Variants in EPB41L5 observed in about 807,000 individuals in gnomAD.
The protein encoded by EPB41L5 is erythrocyte membrane protein band 4.1 like 5.
A neutral mutation model predicts 106.6 loss-of-function variants in EPB41L5; 55 were observed. The observed-to-expected ratio is 0.52, with a 90% CI of 0.42 to 0.65. The LOEUF is 0.65. EPB41L5 is among the 30% of genes least tolerant of loss of function. EPB41L5 has a pLI of 0.00. For missense variants in EPB41L5, 871 were observed against 882.1 expected, an observed-to-expected ratio of 0.99 and a Z score of 0.16; for synonymous variants, 297 against 306.7, an observed-to-expected ratio of 0.97 and a Z score of 0.33.
chr2:120,108,028 CT>C (rs1684548942), intron 16 of EPB41L5: 1 of 152,018 alleles, frequency 6.6e-6, no homozygotes, highest in South Asian at 2.1e-4. Context: ...ATAACTTTGG[CT>C]TTTTTATTGT....
chr2:120,063,011 C>T (rs1013505597), intron 3 of EPB41L5, among the ~76,000 whole-genome samples: 1 of 151,808 alleles, frequency 6.6e-6, no homozygotes, highest in Admixed American at 6.6e-5. Flanking sequence ...AATGTGAGTT[C>T]GACTATATTG....
Position 120,100,231 on chromosome 2 carries a change from T to G in EPB41L5, c.1179-13T>G, listed in dbSNP as rs1381488055. On this transcript the variant is annotated splice_polypyrimidine_tract_variant and intron_variant, in intron 14 of 24. Coordinates refer to ENST00000263713, the MANE Select transcript of EPB41L5 (RefSeq NM_020909.4). ...ATATAGGGTTTTTAATTGATTTTTT[T>G]TTCCCATTACAGTGTTCACAATAAT... 1 of 1,610,116 alleles carries G rather than the reference T, an allele frequency of 6.2e-7. No individual in the cohort carries two copies. Among genetic ancestry groups the G allele is most frequent in the Non-Finnish European group, 8.5e-7 (1 of 1,177,540 alleles).
chr2:120,151,571 A>G (rs767999433), intron 20 of EPB41L5, among the ~76,000 whole-genome samples: 4 of 151,792 alleles, frequency 2.6e-5, no homozygotes, highest in Non-Finnish European at 4.4e-5. Flanking sequence ...CGGCCTCCCA[A>G]AGTGCTGGGA....
rs951526866 is a variant in EPB41L5 at position 120,176,043 on chromosome 2, C to A, written c.*1136C>A. Reference sequence around the variant, plus strand: ...AAAGAGATCTCTAAAACTTCCCCATCCCTTTGGGCCTGTACAAAGAAATTC... The same window carrying A: ...AAAGAGATCTCTAAAACTTCCCCATACCTTTGGGCCTGTACAAAGAAATTC... On this transcript the variant is annotated 3_prime_UTR_variant, in exon 25 of 25. Transcript: ENST00000263713. 4 of 152,582 alleles carry A rather than the reference C, an allele frequency of 2.6e-5. No homozygotes were observed. Among genetic ancestry groups the A allele is most frequent in the Non-Finnish European group, 5.9e-5 (4 of 68,032 alleles). 9.5% of individuals were successfully genotyped at this position (152,582 alleles called of 1,614,324 possible).
At chr2:120,084,676 C>T (rs145408418) in intron 10 of EPB41L5, among the ~76,000 whole-genome samples, 16 of 152,160 alleles carry the variant, frequency 1.1e-4, no homozygotes, top group African/African-American at 3.1e-4. Flanking sequence ...TGGCCTGCCT[C>T]GCTAAGTTGG....
Position 120,064,815 on chromosome 2 carries a change from T to C in EPB41L5, c.286-8363T>C, listed in dbSNP as rs78871741. On this transcript the variant is annotated intron_variant, in intron 3 of 24. Transcript: ENST00000263713. ...AGACCCTGATTCAAGGAAAACACTA[T>C]CAGTGCCTGTCTCTGAGGCCTGAAT... Among the ~76,000 whole-genome samples, 561 of 152,296 alleles carry C rather than the reference T, an allele frequency of 3.7e-3. 3 individuals carry two copies. Among genetic ancestry groups the C allele is most frequent in the African/African-American group, 0.013 (542 of 41,556 alleles).
Position 120,067,097 on chromosome 2 carries a change from A to G in EPB41L5, c.286-6081A>G, listed in dbSNP as rs1437155870. ...AGATTGCTAGATTGAAATAGGCTTA[A>G]AAGTAGATGTCCAACTGAATTTATT... On this transcript the variant is annotated intron_variant, in intron 3 of 24. Coordinates refer to ENST00000263713, the MANE Select transcript of EPB41L5 (RefSeq NM_020909.4). Among the ~76,000 whole-genome samples the G allele has an allele frequency of 2.0e-5, 3 of 152,228 alleles. No homozygotes were observed. The East Asian group carries it at 5.8e-4, about 29-fold the overall frequency.
chr2:120,044,868 T>G (rs1679657509), intron 3 of EPB41L5, among the ~76,000 whole-genome samples: 1 of 152,210 alleles, frequency 6.6e-6, no homozygotes, highest in African/African-American at 2.4e-5. Flanking sequence ...TATTTTTGCT[T>G]CACTAAAACA....
At chr2:120,118,772 T>C (rs749507676) in intron 16 of EPB41L5, among the ~76,000 whole-genome samples, 28 of 152,226 alleles carry the variant, frequency 1.8e-4, no homozygotes, top group Non-Finnish European at 2.8e-4. Context: ...TGATTCCATG[T>C]CTTAGGTGCA....
intron 20 of EPB41L5, among the ~76,000 whole-genome samples, chr2:120,155,960 A>G (rs1455648907): frequency 6.6e-6 from 1 of 152,150 alleles, no homozygotes; most frequent in Non-Finnish European, 1.5e-5. Flanking sequence ...TGGCAGGAAG[A>G]GGCCCCACGA....
At chr2:120,048,387 G>GGGA (rs1558823784) in intron 3 of EPB41L5, among the ~76,000 whole-genome samples, 1 of 152,090 alleles carries the variant, frequency 6.6e-6, no homozygotes, top group Non-Finnish European at 1.5e-5. Flanking sequence ...GTTTAGTCTT[G>GGGA]GGAGGGTGTA....
At chr2:120,036,828 AAG>A (rs1300488179) in intron 2 of EPB41L5, among the ~76,000 whole-genome samples, 2 of 152,154 alleles carry the variant, frequency 1.3e-5, no homozygotes, top group African/African-American at 4.8e-5. Flanking sequence ...TTCTTTCCAT[AAG>A]AGGAAAGAAA....
At chr2:120,151,610 C>CTTTT (rs529496809) in intron 20 of EPB41L5, among the ~76,000 whole-genome samples, 1 of 116,812 alleles carries the variant, frequency 8.6e-6, no homozygotes, top group African/African-American at 4.3e-5. Context: ...GCGTCTGGCC[C>CTTTT]TTTTTTTTTT....
Position 120,175,222 on chromosome 2 carries a change from A to G in EPB41L5, c.*315A>G, listed in dbSNP as rs546167933. 3 of 307,060 alleles carry G rather than the reference A, an allele frequency of 9.8e-6. No homozygotes were observed. Among genetic ancestry groups the G allele is most frequent in the South Asian group, 4.1e-5 (1 of 24,372 alleles). The allele number at this position is 307,060 out of a possible 1,614,324, so 19.0% of individuals were successfully genotyped here. On this transcript the variant is annotated 3_prime_UTR_variant, in exon 25 of 25. Coordinates refer to ENST00000263713, the MANE Select transcript of EPB41L5 (RefSeq NM_020909.4). ...ACTCTTGGCTCCACCTAGCGGTTCT[A>G]TTTGTTCATAACAACTTCATAACAA... is the stretch of plus-strand genomic sequence containing the variant.
At chr2:120,029,165 G>T (rs989627768) in intron 2 of EPB41L5, among the ~76,000 whole-genome samples, 2 of 151,936 alleles carry the variant, frequency 1.3e-5, no homozygotes, top group Non-Finnish European at 2.9e-5. Context: ...TGCGGTTTTT[G>T]TTGTTGTTGT....
intron 20 of EPB41L5, among the ~76,000 whole-genome samples, chr2:120,154,390 C>A (rs1204888372): frequency 6.6e-6 from 1 of 151,422 alleles, no homozygotes; most frequent in Non-Finnish European, 1.5e-5. Flanking sequence ...GTCTCGAACT[C>A]CCGACCTCAG....
chr2:120,072,709 T>C (rs1189795394), intron 3 of EPB41L5, among the ~76,000 whole-genome samples: 2 of 152,168 alleles, frequency 1.3e-5, no homozygotes. Context: ...ATGTTCTTCC[T>C]CATAAGTGGG....
chr2:120,033,397 G>A (rs1412568642), intron 2 of EPB41L5, among the ~76,000 whole-genome samples: 1 of 152,048 alleles, frequency 6.6e-6, no homozygotes, highest in Non-Finnish European at 1.5e-5. Context: ...TCAGAATTTT[G>A]TTATGAGGTT....
At chr2:120,085,376 C>G (rs984856724) in intron 10 of EPB41L5, among the ~76,000 whole-genome samples, 2 of 152,212 alleles carry the variant, frequency 1.3e-5, no homozygotes, top group African/African-American at 4.8e-5. Context: ...GAGGTCCACT[C>G]CAGACCCTGT....
Sources: allele counts gnomAD v4.1 joint callset (sites outside exome capture counted in the v4.1 genomes callset), GRCh38; gene constraint gnomAD v4.1.1; transcripts MANE v1.5; gene names NCBI Gene and HGNC (gene_info 2026-07-23, HGNC 2026-07-21).